The following WWC1 variants were observed in gnomAD, a reference collection of about 807,000 sequenced individuals.
WWC1 encodes the protein protein KIBRA.
In WWC1, 55 loss-of-function variants were observed where a neutral mutation model predicts 138.4. The observed-to-expected ratio is 0.40, with a 90% CI of 0.32 to 0.50. The LOEUF is 0.50. Ranked by LOEUF, WWC1 falls within the 20% of genes least tolerant of loss-of-function variation. The pLI, the probability that WWC1 is intolerant of heterozygous loss-of-function variation, is 0.72. For synonymous variants in WWC1, 524 were observed against 564.9 expected (o/e 0.93, Z 1.03); for missense variants, 1,226 against 1,420.4 (o/e 0.86, Z 2.20).
At position 168,382,088 on chromosome 5, in the gene WWC1, C is replaced by T. The variant is rs150293196; in HGVS notation, c.230-3123C>T. ...AGCATTGAATGTAGTAGCAAAAGAA[C>T]TGAAAACAATTCAAATATTTCCCAT... is the stretch of plus-strand genomic sequence containing the variant. On this transcript the variant is annotated intron_variant, in intron 2 of 22. Coordinates refer to ENST00000265293, the MANE Select transcript of WWC1 (RefSeq NM_015238.3). Among the ~76,000 whole-genome samples the T allele has an allele frequency of 2.6e-4, 40 of 152,150 alleles. No individual in the cohort carries two copies. The East Asian group carries it at 5.0e-3, about 19-fold the overall frequency.
chr5:168,430,347 G>C (rs1002854471), intron 14 of WWC1, 124 bp downstream of exon 14: 27 of 687,188 alleles, frequency 3.9e-5, no homozygotes, highest in Middle Eastern at 4.0e-4. Context: ...GGTTTGTACT[G>C]CATATGACTG....
intron 1 of WWC1, among the ~76,000 whole-genome samples, chr5:168,315,939 G>T (rs144214400): frequency 1.6e-3 from 240 of 152,280 alleles, no homozygotes; most frequent in African/African-American, 5.5e-3. Flanking sequence ...TCAGATCCCT[G>T]TCTGTATTTC....
chr5:168,389,597 GTTTTTT>G (rs55873477), intron 3 of WWC1, among the ~76,000 whole-genome samples: 55 of 129,334 alleles, frequency 4.3e-4, no homozygotes, highest in African/African-American at 1.2e-3. Flanking sequence ...TTGAATTTTT[GTTTTTT>G]TTTTTTTTTT....
chr5:168,333,047 A>G (rs1158990273), intron 1 of WWC1, among the ~76,000 whole-genome samples: 1 of 152,136 alleles, frequency 6.6e-6, no homozygotes, highest in Non-Finnish European at 1.5e-5. Context: ...GGAACCCTTC[A>G]AGTCTCAAGC....
chr5:168,333,913 C>G (rs1773237506), intron 1 of WWC1, among the ~76,000 whole-genome samples: 1 of 152,000 alleles, frequency 6.6e-6, no homozygotes, highest in Admixed American at 6.6e-5. Flanking sequence ...TGTCATGGCT[C>G]TTAAAGTCTA....
chr5:168,423,148 C>G (rs868044706), intron 10 of WWC1, among the ~76,000 whole-genome samples: 8 of 106,914 alleles, frequency 7.5e-5, no homozygotes, highest in East Asian at 5.5e-4. Flanking sequence ...CCATCCCCCC[C>G]CAAAAAAAAA....
intron 1 of WWC1, among the ~76,000 whole-genome samples, chr5:168,358,218 G>A (rs1391172422): frequency 6.6e-6 from 1 of 152,206 alleles, no homozygotes; most frequent in Non-Finnish European, 1.5e-5. Context: ...GGTAGGCAAT[G>A]CACAGCTTAG....
At chr5:168,318,576 T>C (rs1469498424) in intron 1 of WWC1, among the ~76,000 whole-genome samples, 1 of 151,524 alleles carries the variant, frequency 6.6e-6, no homozygotes, top group Non-Finnish European at 1.5e-5. Flanking sequence ...TTTTTTTTTT[T>C]GAGATGGAGT....
intron 1 of WWC1, among the ~76,000 whole-genome samples, chr5:168,324,658 C>A (rs1249556785): frequency 6.6e-6 from 1 of 151,382 alleles, no homozygotes; most frequent in South Asian, 2.1e-4. Context: ...GACAAATAGA[C>A]AACAAATGGC....
chr5:168,390,939 C>T (rs1778436302), intron 3 of WWC1, among the ~76,000 whole-genome samples: 1 of 152,234 alleles, frequency 6.6e-6, no homozygotes, highest in Non-Finnish European at 1.5e-5. Flanking sequence ...GTGTTGTTCC[C>T]ATTCTACAGA....
intron 1 of WWC1, among the ~76,000 whole-genome samples, chr5:168,352,734 C>T (rs1008896962): frequency 1.3e-5 from 2 of 151,974 alleles, no homozygotes; most frequent in African/African-American, 4.8e-5. Context: ...CAGATGCCCA[C>T]GACCTTGCCC....
chr5:168,455,859 C>T (rs1756266376), intron 19 of WWC1, among the ~76,000 whole-genome samples: 1 of 152,196 alleles, frequency 6.6e-6, no homozygotes, highest in African/African-American at 2.4e-5. Flanking sequence ...GCATTTCCTT[C>T]CCACCTTCAG....
chr5:168,304,440 C>T (rs1346286761), intron 1 of WWC1, among the ~76,000 whole-genome samples: 3 of 152,218 alleles, frequency 2.0e-5, no homozygotes, highest in African/African-American at 7.2e-5. Context: ...CATTTACCAG[C>T]AGCCAGTGGA....
At chr5:168,295,223 G>C (rs1463322460) in intron 1 of WWC1, among the ~76,000 whole-genome samples, 1 of 152,126 alleles carries the variant, frequency 6.6e-6, no homozygotes, top group Non-Finnish European at 1.5e-5. Context: ...GGGTTGGTTA[G>C]ATGGTCTTCA....
intron 7 of WWC1, 90 bp downstream of exon 7, chr5:168,408,743 C>G (rs1780003057): frequency 6.4e-7 from 1 of 1,554,170 alleles, no homozygotes; most frequent in African/African-American, 1.3e-5. Flanking sequence ...CATGGCTCAC[C>G]AGGGAGCTGG....
chr5:168,430,433 T>G (rs1781849987), intron 14 of WWC1, among the ~76,000 whole-genome samples: 1 of 152,162 alleles, frequency 6.6e-6, no homozygotes, highest in Non-Finnish European at 1.5e-5. Context: ...ACAAGCACTC[T>G]CTAGATGACT....
intron 14 of WWC1, 86 bp downstream of exon 14, chr5:168,430,309 C>T: frequency 9.2e-7 from 1 of 1,083,094 alleles, no homozygotes; most frequent in Non-Finnish European, 1.4e-6. Context: ...TGTCCTGATC[C>T]AGTTATGGGC....
chr5:168,315,832 G>A (rs1001140161), intron 1 of WWC1, among the ~76,000 whole-genome samples: 8 of 152,140 alleles, frequency 5.3e-5, no homozygotes, highest in African/African-American at 1.9e-4. Context: ...CAAGTCTGGG[G>A]CCAGAGGGCG....
intron 3 of WWC1, among the ~76,000 whole-genome samples, chr5:168,390,175 TATC>T (rs1266374475): frequency 2.0e-5 from 3 of 152,338 alleles, no homozygotes; most frequent in African/African-American, 7.2e-5. Flanking sequence ...CTAATCATAG[TATC>T]ATCTTCATGG....
Sources: gnomAD v4.1 joint callset for allele counts (sites outside exome capture counted in the v4.1 genomes callset) on GRCh38, gnomAD v4.1.1 for gene constraint, MANE v1.5 for transcripts, NCBI Gene and HGNC (gene_info 2026-07-23, HGNC 2026-07-21) for gene names.